The following CNTN5 variants were observed in gnomAD, a reference collection of about 807,000 sequenced individuals.
CNTN5 encodes contactin 5, also known as contactin-5.
A neutral mutation model predicts 129.1 loss-of-function variants in CNTN5; 77 were observed. That is an observed-to-expected ratio of 0.60 (90% CI 0.50 to 0.72). CNTN5 has a LOEUF of 0.72. Ranked by LOEUF, CNTN5 falls within the 30% of genes least tolerant of loss-of-function variation. The probability of loss-of-function intolerance (pLI) is 0.00; values close to 1 mark genes in which losing one functional copy is unlikely to be tolerated. For synonymous variants in CNTN5, 509 were observed against 465.6 expected, an observed-to-expected ratio of 1.09 and a Z score of -1.20; for missense variants, 1,478 against 1,328.8, an observed-to-expected ratio of 1.11 and a Z score of -1.75.
intron 2 of CNTN5, among the ~76,000 whole-genome samples, chr11:99,419,257 T>G (rs1942788524): frequency 6.6e-6 from 1 of 152,188 alleles, no homozygotes; most frequent in Admixed American, 6.5e-5. Flanking sequence ...AATTGCACCC[T>G]CTGGAGATGT....
chr11:100,040,243 C>T (rs1591109640), intron 9 of CNTN5, among the ~76,000 whole-genome samples: 1 of 152,182 alleles, frequency 6.6e-6, no homozygotes, highest in Non-Finnish European at 1.5e-5. Context: ...ACTCCAGACC[C>T]TGTTTGCCTG....
rs1165949764 is a variant in CNTN5, at chr11:99,606,485, G to A, written c.55+50216G>A. Reference sequence around the variant, plus strand: ...ATGGAAGAACATTCCATGCTCATGGGTAGGAAGAATCAATATCGTGAAAAT... The same window carrying A: ...ATGGAAGAACATTCCATGCTCATGGATAGGAAGAATCAATATCGTGAAAAT... On this transcript the variant is annotated intron_variant, in intron 3 of 24. Transcript: ENST00000524871. Among the ~76,000 whole-genome samples, 14 of 144,058 alleles carry A rather than the reference G, an allele frequency of 9.7e-5. No homozygotes were observed. In the East Asian group the frequency reaches 1.0e-3, roughly 11 times the overall value. 94.5% of individuals were successfully genotyped at this position (144,058 alleles called of 152,430 possible).
chr11:99,547,003 C>CTT (rs59675284), intron 2 of CNTN5, among the ~76,000 whole-genome samples: 2,555 of 128,562 alleles, frequency 0.02, 88 homozygotes, highest in African/African-American at 0.063. Context: ...AAATTATTTT[C>CTT]TTTTTTTTTT....
chr11:99,617,604 A>C (rs1950801596), intron 3 of CNTN5, among the ~76,000 whole-genome samples: 1 of 152,180 alleles, frequency 6.6e-6, no homozygotes, highest in African/African-American at 2.4e-5. Flanking sequence ...AACATTTTAG[A>C]ACTTGAGATC....
chr11:99,213,354 ATG>A (rs1491485827), intron 1 of CNTN5, among the ~76,000 whole-genome samples: 2 of 113,496 alleles, frequency 1.8e-5, no homozygotes, highest in Non-Finnish European at 3.9e-5. Flanking sequence ...AATATTATAT[ATG>A]TGTATATATG....
intron 8 of CNTN5, among the ~76,000 whole-genome samples, chr11:99,991,809 G>T (rs1939119475): frequency 6.6e-6 from 1 of 152,182 alleles, no homozygotes; most frequent in South Asian, 2.1e-4. Context: ...CAGACTTCCT[G>T]GTCTCTGATT....
At chr11:99,467,986 T>A (rs1565207592) in intron 2 of CNTN5, among the ~76,000 whole-genome samples, 1 of 152,140 alleles carries the variant, frequency 6.6e-6, no homozygotes, top group African/African-American at 2.4e-5. Context: ...TATTTACCCC[T>A]TGAGTCTTCA....
intron 1 of CNTN5, among the ~76,000 whole-genome samples, chr11:99,114,946 C>T (rs2135391746): frequency 6.6e-6 from 1 of 152,262 alleles, no homozygotes; most frequent in Non-Finnish European, 1.5e-5. Context: ...GGACCATAAA[C>T]GCAAAACTCT....
chr11:99,378,079 A>C (rs932239167), intron 2 of CNTN5, among the ~76,000 whole-genome samples: 2 of 152,150 alleles, frequency 1.3e-5, no homozygotes, highest in African/African-American at 4.8e-5. Flanking sequence ...AAATCTAAGA[A>C]CAAACATTAC....
chr11:100,240,576 T>C (rs1949718715), intron 16 of CNTN5, among the ~76,000 whole-genome samples: 2 of 152,226 alleles, frequency 1.3e-5, no homozygotes, highest in Non-Finnish European at 1.5e-5. Flanking sequence ...ATTGATTTGC[T>C]CATTTAGTTA....
chr11:100,010,774 T>C (rs1940479826), intron 9 of CNTN5, among the ~76,000 whole-genome samples: 1 of 152,222 alleles, frequency 6.6e-6, no homozygotes. Flanking sequence ...TCAGCCATCC[T>C]GGCTTTGCCA....
At chr11:99,473,253 A>G (rs984062382) in intron 2 of CNTN5, among the ~76,000 whole-genome samples, 5 of 152,278 alleles carry the variant, frequency 3.3e-5, no homozygotes, top group Admixed American at 6.5e-5. Flanking sequence ...GAAGGCTATT[A>G]GGATGGATTT....
intron 20 of CNTN5, among the ~76,000 whole-genome samples, chr11:100,303,556 C>G (rs979400521): frequency 1.2e-5 from 1 of 80,702 alleles, no homozygotes; most frequent in Admixed American, 1.5e-4. Context: ...GATTTATTTA[C>G]TTGTGATGCG....
At chr11:99,580,271 A>G (rs940616915) in intron 3 of CNTN5, among the ~76,000 whole-genome samples, 3 of 152,092 alleles carry the variant, frequency 2.0e-5, no homozygotes, top group East Asian at 1.9e-4. Context: ...TGTTCATCAA[A>G]GATATTGGTC....
intron 18 of CNTN5, among the ~76,000 whole-genome samples, chr11:100,276,441 A>G (rs1950512187): frequency 6.9e-6 from 1 of 145,448 alleles, no homozygotes; most frequent in Admixed American, 7.3e-5. Flanking sequence ...CAGATGACTG[A>G]GGCATGAGAA....
chr11:99,857,962 G>C (rs998502894), intron 6 of CNTN5, among the ~76,000 whole-genome samples: 1 of 152,004 alleles, frequency 6.6e-6, no homozygotes, highest in African/African-American at 2.4e-5. Flanking sequence ...GAAAATGTAT[G>C]TGCAAATGTT....
intron 1 of CNTN5, among the ~76,000 whole-genome samples, chr11:99,039,989 T>C (rs1863923962): frequency 6.6e-6 from 1 of 152,166 alleles, no homozygotes; most frequent in Admixed American, 6.5e-5. Context: ...TATTGTTTCA[T>C]GCAGAGAAGA....
At chr11:100,340,086 T>C (rs1187375154) in intron 21 of CNTN5, among the ~76,000 whole-genome samples, 1 of 152,176 alleles carries the variant, frequency 6.6e-6, no homozygotes, top group Non-Finnish European at 1.5e-5. Flanking sequence ...ACTCAGATAA[T>C]TCATTTGAAG....
chr11:99,533,325 C>G (rs1947784313), intron 2 of CNTN5, among the ~76,000 whole-genome samples: 1 of 152,214 alleles, frequency 6.6e-6, no homozygotes. Flanking sequence ...CTTCCCCTTC[C>G]CCACCTTTCC....
Sources: allele counts gnomAD v4.1 joint callset (sites outside exome capture counted in the v4.1 genomes callset), GRCh38; gene constraint gnomAD v4.1.1; transcripts MANE v1.5; gene names NCBI Gene and HGNC (gene_info 2026-07-23, HGNC 2026-07-21).